Variants in P3H3 observed in about 807,000 individuals in gnomAD.
The protein encoded by P3H3 is gene rich cluster, B.
Under a neutral mutation model 78.1 loss-of-function variants are expected in P3H3, and 64 were observed. That is an observed-to-expected ratio of 0.82 (90% confidence interval 0.67 to 1.01). The LOEUF (loss-of-function observed/expected upper bound fraction) is 1.01, where lower values mean the gene tolerates loss of function less well. Among genes scored for constraint, P3H3 ranks in the 50% least tolerant of loss-of-function variants. P3H3 has a pLI of 0.00. For missense variants in P3H3, 975 were observed against 982.2 expected (o/e 0.99, Z 0.10); for synonymous variants, 425 against 416.7 (o/e 1.02, Z -0.24).
Position 6,839,290 on chromosome 12 carries a change from A to T in P3H3, c.2047-7A>T. The T allele has an allele frequency of 6.4e-7, 1 of 1,553,600 alleles. No individual in the cohort carries two copies. Among genetic ancestry groups the T allele is most frequent in the Non-Finnish European group, 8.7e-7 (1 of 1,148,182 alleles). ...GGAATGGGCCACACTCTCCTCCCCA[A>T]CCCCAGGAGTGGATAGAAGCCAAAG... is the stretch of plus-strand genomic sequence containing the variant. On this transcript the variant is annotated splice_polypyrimidine_tract_variant and splice_region_variant and intron_variant, in intron 14 of 14. Coordinates refer to ENST00000290510, the MANE Select transcript of P3H3 (RefSeq NM_014262.5).
Position 6,829,525 on chromosome 12 carries a change from T to C in P3H3, c.499-334T>C. ...CCTAGAGACCTGCGGGTTTTGCTGGTCGCTGAGGTCTCCCCCACTTCCCCA... is the reference window on the plus strand; with the variant it reads ...CCTAGAGACCTGCGGGTTTTGCTGGCCGCTGAGGTCTCCCCCACTTCCCCA... On this transcript the variant is annotated intron_variant, in intron 1 of 14. Coordinates refer to ENST00000290510, the MANE Select transcript of P3H3 (RefSeq NM_014262.5). This position sits in a 1 kb window ranked among gnomAD's most constrained non-coding sequence, Gnocchi z 5.1. 1 of 346,766 alleles carries C rather than the reference T, an allele frequency of 2.9e-6. No homozygotes were observed. The highest frequency in any genetic ancestry group is 5.4e-6 in the Non-Finnish European group (1 of 186,630). 21.5% of individuals were successfully genotyped at this position (346,766 alleles called of 1,614,324 possible). A position where few individuals can be genotyped will look rare whatever the true frequency, so the allele number is the denominator to read the frequency against.
chr12:6,830,207 G>A, intron 2 of P3H3, 146 bp from the exon 3 acceptor site: 1 of 1,025,692 alleles, frequency 9.7e-7, no homozygotes, highest in Non-Finnish European at 1.4e-6. Flanking sequence ...CTAACATTAT[G>A]ATTCTGAGGC....
Position 6,839,291 on chromosome 12 carries a change from C to T in P3H3, c.2047-6C>T. 6.4e-7 allele frequency: 1 copy of T among 1,553,606 alleles called. No homozygotes were observed. The highest frequency in any genetic ancestry group is 8.7e-7 in the Non-Finnish European group (1 of 1,148,158). On this transcript the variant is annotated splice_polypyrimidine_tract_variant and splice_region_variant and intron_variant, in intron 14 of 14. Coordinates refer to ENST00000290510, the MANE Select transcript of P3H3 (RefSeq NM_014262.5). Reference sequence around the variant, plus strand: ...GAATGGGCCACACTCTCCTCCCCAACCCCAGGAGTGGATAGAAGCCAAAGA... The same window carrying T: ...GAATGGGCCACACTCTCCTCCCCAATCCCAGGAGTGGATAGAAGCCAAAGA...
chr12:6,833,773 G>A lies in P3H3; in HGVS notation c.1297G>A (p.Glu433Lys), dbSNP rs782487153. 3 of 1,612,040 alleles carry A rather than the reference G, an allele frequency of 1.9e-6. No individual in the cohort carries two copies. The highest frequency in any genetic ancestry group is 2.2e-5 in the East Asian group (1 of 44,866). ...TCAAGAGAAGAGGCCTTGGGACCAT[G>A]AGCCCGTGAAGCCAAAGCCCTTGAC... ...EDQEKRPWDH[E>K]PVKPKPLTYW... The change falls in exon 8 of 15, where the codon GAG becomes AAG. Residue 433 changes from glutamate (E) to lysine (K), a missense_variant. Transcript: ENST00000290510.
At chr12:6,830,153 T>TAGAGA in intron 2 of P3H3, 142 bp downstream of exon 2, 1 of 1,148,088 alleles carries the variant, frequency 8.7e-7, no homozygotes, top group Non-Finnish European at 1.2e-6. Flanking sequence ...AGTCCTTCTC[T>TAGAGA]AGGACTTCGT....
Position 6,831,498 on chromosome 12 carries a change from G to C in P3H3, c.1122+146G>C, listed in dbSNP as rs1233746455. ...ACTCCAAGTCCAGCATCTGACTTCC[G>C]TCTCCACTCCCTGCTCCCCACGGCA... On this transcript the variant is annotated intron_variant, in intron 5 of 14. Transcript: ENST00000290510. This position sits in a 1 kb window ranked among gnomAD's most constrained non-coding sequence, Gnocchi z 4.6. The C allele has an allele frequency of 1.7e-6, 2 of 1,162,610 alleles. No homozygotes were observed. Among genetic ancestry groups the C allele is most frequent in the African/African-American group, 3.1e-5 (2 of 64,722 alleles). 72.0% of individuals were successfully genotyped at this position (1,162,610 alleles called of 1,614,324 possible). A position where few individuals can be genotyped will look rare whatever the true frequency, so the allele number is the denominator to read the frequency against.
intron 13 of P3H3, 118 bp downstream of exon 13, chr12:6,838,151 C>T (rs140194414): frequency 1.7e-5 from 23 of 1,350,016 alleles, no homozygotes; most frequent in Middle Eastern, 4.5e-4. Flanking sequence ...AACCCTTTCA[C>T]TTCCCCGCCT....
In P3H3 at chr12:6,839,070, G is replaced by C. The variant is rs782066832; in HGVS notation, c.1976G>C (p.Trp659Ser). ...GGTGTCGAGAATCCCCATGGGGTGT[G>C]GGCCGTGACTCGGGGACGGCGCTGT... ...SSGVENPHGV[W>S]AVTRGRRCAL... is the part of the protein sequence containing the mutation. Residue 659 changes from tryptophan to serine, a missense_variant, in exon 14 of 15, where the codon TGG (tryptophan) becomes TCG (serine). Physicochemically the swap from Trp to Ser is radical, Grantham distance 177. Transcript: ENST00000290510. The C allele has an allele frequency of 8.7e-6, 14 of 1,612,026 alleles. No individual in the cohort carries two copies. The highest frequency in any genetic ancestry group is 1.2e-5 in the Non-Finnish European group (14 of 1,179,560).
rs3809247 is a variant in P3H3, at chr12:6,839,663, G to C, written c.*202G>C. ...GCTAGCCTGGAGCTCACCAGGCCTG[G>C]GGAGCTGGGACGGGGCCCCGCTGCC... On this transcript the variant is annotated 3_prime_UTR_variant, in exon 15 of 15. Coordinates refer to ENST00000290510, the MANE Select transcript of P3H3 (RefSeq NM_014262.5). 8,651 of 691,180 alleles carry C rather than the reference G, an allele frequency of 0.013. 410 individuals carry two copies. Among genetic ancestry groups the C allele is most frequent in the African/African-American group, 0.11 (6,071 of 55,774 alleles). 42.8% of individuals were successfully genotyped at this position (691,180 alleles called of 1,614,324 possible). A position where few individuals can be genotyped will look rare whatever the true frequency, so the allele number is the denominator to read the frequency against.
chr12:6,838,647 G>A (rs1313751458), intron 13 of P3H3, among the ~76,000 whole-genome samples: 1 of 152,036 alleles, frequency 6.6e-6, no homozygotes, highest in Non-Finnish European at 1.5e-5. Context: ...TCCAATATCT[G>A]TATCCCCTTC....
At chr12:6,836,917 G>A in intron 9 of P3H3, 68 bp from the exon 10 acceptor site, 3 of 1,167,138 alleles carry the variant, frequency 2.6e-6, no homozygotes, top group Non-Finnish European at 3.8e-6. Flanking sequence ...CCGGAGGGAG[G>A]GTCTTGCAGC....
At chr12:6,837,673 A>C in intron 11 of P3H3, 59 bp from the exon 12 acceptor site, 8 of 1,585,406 alleles carry the variant, frequency 5.0e-6, no homozygotes, top group Non-Finnish European at 6.9e-6. Context: ...GCCTGAGCCC[A>C]CAGGGTGGCA....
chr12:6,833,593 A>C lies in P3H3; in HGVS notation c.1214A>C (p.Asp405Ala). The C allele has an allele frequency of 6.2e-7, 1 of 1,613,526 alleles. No homozygotes were observed. The highest frequency in any genetic ancestry group is 8.5e-7 in the Non-Finnish European group (1 of 1,179,662). ...TGATGCTTTTCTGGACTGTCGCAGG[A>C]CCCCTGGACCCCTGCAGCTCTCATC... ...EHLGTSFKDPDPWTPAALIPE... is the reference protein window; with the variant it reads ...EHLGTSFKDPAPWTPAALIPE... The change falls in exon 7 of 15, where the codon GAC becomes GCC. Residue 405 changes from aspartate (D) to alanine (A), a missense_variant and splice_region_variant. Coordinates refer to ENST00000290510, the MANE Select transcript of P3H3 (RefSeq NM_014262.5).
intron 13 of P3H3, 124 bp from the exon 14 acceptor site, chr12:6,838,876 T>A: frequency 1.4e-6 from 1 of 717,384 alleles, no homozygotes; most frequent in South Asian, 3.3e-5. Context: ...AATTAAGGAG[T>A]AGGAAGTGGT....
Position 6,829,175 on chromosome 12 carries a change from G to A in P3H3, c.498+237G>A, listed in dbSNP as rs922488704. The A allele has an allele frequency of 1.2e-4, 46 of 389,020 alleles. 1 individual carries two copies. In the Admixed American group the frequency reaches 1.6e-3, roughly 13 times the overall value. The allele number at this position is 389,020 out of a possible 1,614,324, so 24.1% of individuals were successfully genotyped here. ...GGGAATGGGGCGGGGAGGTCGTGAG[G>A]TGGGACGGGAGCAGATCGAAGATGG... On this transcript the variant is annotated intron_variant, in intron 1 of 14. Transcript: ENST00000290510. This position sits in a 1 kb window ranked among gnomAD's most constrained non-coding sequence, Gnocchi z 5.1.
At chr12:6,830,218 C>T (rs1415466181) in intron 2 of P3H3, 135 bp from the exon 3 acceptor site, 2 of 1,032,700 alleles carry the variant, frequency 1.9e-6, no homozygotes, top group Admixed American at 4.7e-5. Flanking sequence ...ATTCTGAGGC[C>T]CACCCTTATT....
chr12:6,829,286 T>C lies in P3H3; in HGVS notation c.498+348T>C, dbSNP rs1178144210. 1 of 275,010 alleles carries C rather than the reference T, an allele frequency of 3.6e-6. No homozygotes were observed. The highest frequency in any genetic ancestry group is 6.3e-5 in the East Asian group (1 of 15,790). The allele number at this position is 275,010 out of a possible 1,614,324, so 17.0% of individuals were successfully genotyped here. ...CGGACGGGAAGTGTGCGTGGGTGTG[T>C]GTGTGTGTCGGGGGTGGTGGTGAGT... On this transcript the variant is annotated intron_variant, in intron 1 of 14. Transcript: ENST00000290510. The surrounding 1 kb of genome is among the most constrained non-coding windows in gnomAD (Gnocchi z 5.1).
chr12:6,833,465 C>T (rs967508932), intron 6 of P3H3, 127 bp from the exon 7 acceptor site: 27 of 891,698 alleles, frequency 3.0e-5, no homozygotes, highest in African/African-American at 4.9e-5. Context: ...CATTGAGTCC[C>T]GGGCTTTTCC....
At position 6,839,794 on chromosome 12, in the gene P3H3, A is replaced by G. The variant is rs782805877; in HGVS notation, c.*333A>G. 3.3e-6 allele frequency: 1 copy of G among 305,994 alleles called. No individual in the cohort carries two copies. The highest frequency in any genetic ancestry group is 6.2e-6 in the Non-Finnish European group (1 of 160,142). The allele number at this position is 305,994 out of a possible 1,614,324, so 19.0% of individuals were successfully genotyped here. A position where few individuals can be genotyped will look rare whatever the true frequency, so the allele number is the denominator to read the frequency against. ...GAAGAGGATGGTGGGGTTGGGAGGT[A>G]TAACCCTGCTCCTCTCTCCCAGTCT... is the stretch of plus-strand genomic sequence containing the variant. On this transcript the variant is annotated 3_prime_UTR_variant, in exon 15 of 15. Transcript: ENST00000290510.
Sources: allele counts gnomAD v4.1 joint callset (sites outside exome capture counted in the v4.1 genomes callset), GRCh38; gene constraint gnomAD v4.1.1; non-coding constraint Gnocchi (gnomAD v3.1); transcripts MANE v1.5; gene names NCBI Gene and HGNC (gene_info 2026-07-23, HGNC 2026-07-21).